The following STK39 variants were observed in gnomAD, a reference collection of about 807,000 sequenced individuals.
The protein encoded by STK39 is STE20/SPS1-related proline-alanine-rich protein kinase.
STK39 carries 20 observed loss-of-function variants against 77.8 expected under a neutral mutation model. The observed-to-expected ratio is 0.26, with a 90% CI of 0.18 to 0.37. STK39 has a LOEUF of 0.37. STK39 is among the 10% of genes least tolerant of loss of function. The pLI, the probability that STK39 is intolerant of heterozygous loss-of-function variation, is 1.00. For synonymous variants in STK39, 246 were observed against 234.1 expected (o/e 1.05, Z -0.47); for missense variants, 479 against 656.5 (o/e 0.73, Z 2.95).
intron 12 of STK39, among the ~76,000 whole-genome samples, chr2:168,073,777 C>T (rs1686004555): frequency 1.3e-5 from 2 of 152,092 alleles, no homozygotes; most frequent in African/African-American, 4.8e-5. Flanking sequence ...TGCCACCATG[C>T]CCAGCTAATT....
At chr2:168,015,845 G>A (rs1411361948) in intron 15 of STK39, among the ~76,000 whole-genome samples, 1 of 152,168 alleles carries the variant, frequency 6.6e-6, no homozygotes, top group Non-Finnish European at 1.5e-5. Context: ...AGCTGGTGCT[G>A]TACAACTTCA....
intron 16 of STK39, among the ~76,000 whole-genome samples, chr2:167,973,667 A>G (rs1178175176): frequency 6.6e-6 from 1 of 152,192 alleles, no homozygotes; most frequent in Non-Finnish European, 1.5e-5. Flanking sequence ...GTGTGTGAGG[A>G]GAATGAAATT....
intron 14 of STK39, among the ~76,000 whole-genome samples, chr2:168,053,155 T>C (rs1039214274): frequency 1.3e-5 from 2 of 152,220 alleles, no homozygotes; most frequent in Non-Finnish European, 2.9e-5. Context: ...TTTTATATGA[T>C]ACAATACTGA....
intron 16 of STK39, among the ~76,000 whole-genome samples, chr2:167,966,984 C>T (rs1042445701): frequency 2.0e-5 from 3 of 152,162 alleles, no homozygotes; most frequent in African/African-American, 4.8e-5. Context: ...TGTTTCCTCC[C>T]ATCTCCTGAC....
chr2:168,208,907 C>T (rs1157831886), intron 1 of STK39, among the ~76,000 whole-genome samples: 2 of 152,212 alleles, frequency 1.3e-5, no homozygotes, highest in Non-Finnish European at 2.9e-5. Context: ...CCCACAGTCA[C>T]AGGGAAGTGC....
At chr2:168,085,382 G>T (rs760627926) in intron 10 of STK39, among the ~76,000 whole-genome samples, 1 of 152,142 alleles carries the variant, frequency 6.6e-6, no homozygotes, top group Non-Finnish European at 1.5e-5. Flanking sequence ...GTGTGCTCCC[G>T]TTTTCCCCCT....
intron 10 of STK39, among the ~76,000 whole-genome samples, chr2:168,101,302 C>T (rs1381724626): frequency 2.0e-5 from 3 of 152,042 alleles, no homozygotes; most frequent in Non-Finnish European, 4.4e-5. Flanking sequence ...ACATGTATAC[C>T]TATGTAACAA....
chr2:168,064,660 A>G (rs1685748697), intron 13 of STK39, among the ~76,000 whole-genome samples: 1 of 152,246 alleles, frequency 6.6e-6, no homozygotes, highest in African/African-American at 2.4e-5. Flanking sequence ...TTTGAAAGAA[A>G]GAAAATTATG....
chr2:168,082,993 G>A (rs1448825), intron 10 of STK39, among the ~76,000 whole-genome samples: 150,364 of 152,280 alleles, frequency 0.99, 74,261 homozygotes, highest in East Asian at 1. Context: ...CATATAAGAA[G>A]CACTCAAAAC....
At chr2:168,085,242 A>G (rs1411247443) in intron 10 of STK39, among the ~76,000 whole-genome samples, 1 of 152,188 alleles carries the variant, frequency 6.6e-6, no homozygotes, top group Non-Finnish European at 1.5e-5. Flanking sequence ...TTGTGGAAAA[A>G]GAAGGATGGC....
At chr2:168,167,516 C>T (rs1688720410) in intron 2 of STK39, 109 bp from the exon 3 acceptor site, 1 of 870,022 alleles carries the variant, frequency 1.1e-6, no homozygotes, top group Admixed American at 2.2e-5. Context: ...CGAAAGCCTA[C>T]CTGAGGGGCT....
chr2:168,247,194 C>T, intron 1 of STK39, 34 bp downstream of exon 1: 1 of 1,171,338 alleles, frequency 8.5e-7, no homozygotes, highest in Non-Finnish European at 1.1e-6. Context: ...CGGCGCCCGG[C>T]CTGTGCCGGC....
At chr2:168,035,808 T>C (rs9287892) in intron 14 of STK39, among the ~76,000 whole-genome samples, 118,317 of 152,108 alleles carry the variant, frequency 0.78, 46,358 homozygotes, top group African/African-American at 0.85. Context: ...ATTCTCATCT[T>C]AGCTGTTGAA....
intron 1 of STK39, among the ~76,000 whole-genome samples, chr2:168,236,094 C>T (rs1197301171): frequency 4.6e-5 from 7 of 151,964 alleles, no homozygotes; most frequent in Non-Finnish European, 7.4e-5. Flanking sequence ...GTTCCTATTT[C>T]TCCACATCCT....
In STK39 at chr2:168,162,479, C is replaced by T. The variant is rs1004968791; in HGVS notation, c.573-637G>A. Among the ~76,000 whole-genome samples the T allele has an allele frequency of 7.2e-5, 11 of 152,104 alleles. No individual in the cohort carries two copies. In the East Asian group the frequency reaches 2.1e-3, roughly 29 times the overall value. On this transcript the variant is annotated intron_variant, in intron 4 of 17. Coordinates refer to ENST00000355999, the MANE Select transcript of STK39 (RefSeq NM_013233.3). The stretch of plus-strand genomic sequence containing the variant: ...AGACACTGCCCATAAACTCACACTA[C>T]TGTCATTCTACCAAGTATTAAAGCC...
At chr2:168,190,379 G>C (rs1559139625) in intron 1 of STK39, among the ~76,000 whole-genome samples, 1 of 152,194 alleles carries the variant, frequency 6.6e-6, no homozygotes, top group Admixed American at 6.5e-5. Context: ...GGGGGATGTG[G>C]CAGTTAACTT....
chr2:168,115,461 T>C (rs1240268779), intron 10 of STK39, among the ~76,000 whole-genome samples: 3 of 152,196 alleles, frequency 2.0e-5, no homozygotes, highest in South Asian at 2.1e-4. Flanking sequence ...TCCTAGGAAA[T>C]AGACTAACAA....
chr2:167,996,068 G>A (rs980034537), intron 16 of STK39, among the ~76,000 whole-genome samples: 3 of 152,114 alleles, frequency 2.0e-5, no homozygotes, highest in African/African-American at 7.2e-5. Flanking sequence ...AATATGTACA[G>A]AAGAAATACT....
At chr2:168,035,179 G>A (rs1208246542) in intron 14 of STK39, among the ~76,000 whole-genome samples, 1 of 152,158 alleles carries the variant, frequency 6.6e-6, no homozygotes, top group Non-Finnish European at 1.5e-5. Context: ...CCTTTGAGGG[G>A]TTTTAAAAGA....
Sources: gnomAD v4.1 joint callset for allele counts (sites outside exome capture counted in the v4.1 genomes callset) on GRCh38, gnomAD v4.1.1 for gene constraint, MANE v1.5 for transcripts, NCBI Gene and HGNC (gene_info 2026-07-23, HGNC 2026-07-21) for gene names.